PEX26: variants seen among roughly 807,000 people sequenced by gnomAD.
PEX26 encodes peroxisomal biogenesis factor 26, also known as peroxisome assembly protein 26.
Under a neutral mutation model 31.4 loss-of-function variants are expected in PEX26, and 18 were observed. The observed-to-expected ratio is 0.57, with a 90% confidence interval of 0.40 to 0.85. PEX26 has a LOEUF of 0.85. PEX26 is among the 40% of genes least tolerant of loss of function. The pLI, the probability that PEX26 is intolerant of heterozygous loss-of-function variation, is 0.00. For synonymous variants in PEX26, 176 were observed against 166.9 expected (o/e 1.05, Z -0.42); for missense variants, 377 against 383.9 (o/e 0.98, Z 0.15).
rs1927404865 is a variant in PEX26, at chr22:18,099,974, C to G, written c.*11899C>G. ...TAATGTCACATTCTGAGATTTTAGG[C>G]AAACATATCTTTGGGGGGCCAAAAT... is the stretch of plus-strand genomic sequence containing the variant. On this transcript the variant is annotated 3_prime_UTR_variant, in exon 5 of 5. Coordinates refer to ENST00000399744, the MANE Select transcript of PEX26 (RefSeq NM_001127649.3). The G allele has an allele frequency of 5.3e-5, 8 of 152,214 alleles. No homozygotes were observed. Among genetic ancestry groups the G allele is most frequent in the Admixed American group, 5.2e-4 (8 of 15,276 alleles). 9.4% of individuals were successfully genotyped at this position (152,214 alleles called of 1,614,324 possible).
rs1298537872 is a variant in PEX26 at position 18,092,424 on chromosome 22, C to G, written c.*4349C>G. On this transcript the variant is annotated 3_prime_UTR_variant, in exon 5 of 5. Coordinates refer to ENST00000399744, the MANE Select transcript of PEX26 (RefSeq NM_001127649.3). ...CAGCCTGTCGCGCCCCCGCCCGCCT[C>G]TGCATTCCTCCAGCGGTGGTGTACG... 6.6e-6 allele frequency: 1 copy of G among 152,310 alleles called. No homozygotes were observed. The highest frequency in any genetic ancestry group is 1.5e-5 in the Non-Finnish European group (1 of 68,086). The allele number at this position is 152,310 out of a possible 1,614,324, so 9.4% of individuals were successfully genotyped here.
rs2123681087 is a variant in PEX26 at position 18,102,960 on chromosome 22, C to T, written c.*14885C>T. The T allele has an allele frequency of 6.6e-6, 1 of 152,038 alleles. No homozygotes were observed. Among genetic ancestry groups the T allele is most frequent in the South Asian group, 2.1e-4 (1 of 4,796 alleles). 9.4% of individuals were successfully genotyped at this position (152,038 alleles called of 1,614,324 possible). Reference sequence around the variant, plus strand: ...ATTAGCTGGGCATGGTGGCGTGTGCCTGTAATCCCAGATACTCAGGAGGCT... The same window carrying T: ...ATTAGCTGGGCATGGTGGCGTGTGCTTGTAATCCCAGATACTCAGGAGGCT... On this transcript the variant is annotated 3_prime_UTR_variant, in exon 5 of 5. Coordinates refer to ENST00000399744, the MANE Select transcript of PEX26 (RefSeq NM_001127649.3).
Position 18,078,054 on chromosome 22 carries a change from C to G in PEX26, c.-323C>G, listed in dbSNP as rs1161279617. 1 of 528,962 alleles carries G rather than the reference C, an allele frequency of 1.9e-6. No individual in the cohort carries two copies. Among genetic ancestry groups the G allele is most frequent in the Admixed American group, 2.2e-5 (1 of 44,548 alleles). The allele number at this position is 528,962 out of a possible 1,614,324, so 32.8% of individuals were successfully genotyped here. Reference sequence around the variant, plus strand: ...CCCGCTGCCGGGAGGCGAGGTGAGTCTTTGATCGTAACCAGGAGCCCGGAG... The same window carrying G: ...CCCGCTGCCGGGAGGCGAGGTGAGTGTTTGATCGTAACCAGGAGCCCGGAG... On this transcript the variant is annotated 5_prime_UTR_variant, in exon 1 of 5. Transcript: ENST00000399744.
At position 18,083,422 on chromosome 22, in the gene PEX26, T is replaced by A; in HGVS notation, c.372-15T>A. On this transcript the variant is annotated splice_polypyrimidine_tract_variant and intron_variant, in intron 2 of 4. Coordinates refer to ENST00000399744, the MANE Select transcript of PEX26 (RefSeq NM_001127649.3). ...ACTCTTCTTTTGTTGGGATTGGGTTTTTTGGGGACTGCAGCATTCTTTTAT... is the reference window on the plus strand; with the variant it reads ...ACTCTTCTTTTGTTGGGATTGGGTTATTTGGGGACTGCAGCATTCTTTTAT... 1 of 1,613,168 alleles carries A rather than the reference T, an allele frequency of 6.2e-7. No homozygotes were observed.
intron 1 of PEX26, chr22:18,079,359 A>T (rs1353563171): frequency 1.0e-5 from 4 of 386,340 alleles, no homozygotes; most frequent in Non-Finnish European, 1.4e-5. Flanking sequence ...TGATCTGGAG[A>T]GCCCTGGCTG....
chr22:18,081,269 C>CACACACACAT (rs1008255968), intron 2 of PEX26, among the ~76,000 whole-genome samples: 1 of 142,006 alleles, frequency 7.0e-6, no homozygotes, highest in Admixed American at 7.0e-5. Flanking sequence ...CACACACACA[C>CACACACACAT]ACACACACAC....
Position 18,078,508 on chromosome 22 carries a change from C to T in PEX26, c.132C>T (p.Leu44=), listed in dbSNP as rs1926398903. Residue 44 remains leucine (L), a synonymous_variant, in exon 1 of 5, where the codon CTC becomes CTT. Coordinates refer to ENST00000399744, the MANE Select transcript of PEX26 (RefSeq NM_001127649.3). The stretch of plus-strand genomic sequence containing the variant: ...ACCTTCTGGAGGAGGCGGCCGACCT[C>T]CTGGTGGTGCACCTGGACTTCCGGG... The part of the protein sequence containing the change: ...AVDLLEEAAD[L]LVVHLDFRAA... The T allele has an allele frequency of 6.4e-7, 1 of 1,571,386 alleles. No homozygotes were observed. The highest frequency in any genetic ancestry group is 1.8e-5 in the Admixed American group (1 of 54,080).
rs1312669850 is a variant in PEX26 at position 18,101,152 on chromosome 22, T to C, written c.*13077T>C. 6.6e-6 allele frequency: 1 copy of C among 152,204 alleles called. No individual in the cohort carries two copies. Among genetic ancestry groups the C allele is most frequent in the Non-Finnish European group, 1.5e-5 (1 of 68,036 alleles). The allele number at this position is 152,204 out of a possible 1,614,324, so 9.4% of individuals were successfully genotyped here. On this transcript the variant is annotated 3_prime_UTR_variant, in exon 5 of 5. Transcript: ENST00000399744. ...GCTTAAAAGAGACTTCTAGAAACAG[T>C]GGGACTGTATCAGGATCAACAGAAG...
Position 18,098,776 on chromosome 22 carries a change from A to ATG in PEX26, c.*10702_*10703insGT, listed in dbSNP as rs1927370541. On this transcript the variant is annotated 3_prime_UTR_variant, in exon 5 of 5. Coordinates refer to ENST00000399744, the MANE Select transcript of PEX26 (RefSeq NM_001127649.3). The stretch of plus-strand genomic sequence containing the variant: ...TGTGTGCGTGTGTAGACATATATAT[A>ATG]TAATATATATACACATATGCAATGG... 2 of 151,222 alleles carry ATG rather than the reference A, an allele frequency of 1.3e-5. No individual in the cohort carries two copies. Among genetic ancestry groups the ATG allele is most frequent in the South Asian group, 2.1e-4 (1 of 4,796 alleles). 9.4% of individuals were successfully genotyped at this position (151,222 alleles called of 1,614,324 possible). A position where few individuals can be genotyped will look rare whatever the true frequency, so the allele number is the denominator to read the frequency against.
Position 18,090,614 on chromosome 22 carries a change from T to C in PEX26, c.*2539T>C, listed in dbSNP as rs969999374. On this transcript the variant is annotated 3_prime_UTR_variant, in exon 5 of 5. Transcript: ENST00000399744. ...CTGCCCCTTCGAAGCTGGGGAGTGC[T>C]TGTTGCAGATGCATCCAAGAGGGGT... is the stretch of plus-strand genomic sequence containing the variant. The C allele has an allele frequency of 5.2e-5, 8 of 152,382 alleles. No homozygotes were observed. Among genetic ancestry groups the C allele is most frequent in the Non-Finnish European group, 1.0e-4 (7 of 68,156 alleles). The allele number at this position is 152,382 out of a possible 1,614,324, so 9.4% of individuals were successfully genotyped here. A position where few individuals can be genotyped will look rare whatever the true frequency, so the allele number is the denominator to read the frequency against.
At position 18,094,218 on chromosome 22, in the gene PEX26, CCTTT is replaced by C. The variant is rs1927220065; in HGVS notation, c.*6144_*6147del. On this transcript the variant is annotated 3_prime_UTR_variant, in exon 5 of 5. Transcript: ENST00000399744. ...AGAAGAGTGTCATTTCAGAAAAAAG[CCTTT>C]TTTTTTTGAGATGGAGTCTCGCTCT... is the stretch of plus-strand genomic sequence containing the variant. 1 of 7,208 alleles carries C rather than the reference CCTTT, an allele frequency of 1.4e-4. No individual in the cohort carries two copies. Among genetic ancestry groups the C allele is most frequent in the Non-Finnish European group, 2.4e-4 (1 of 4,188 alleles). The allele number at this position is 7,208 out of a possible 1,614,324, so 0.4% of individuals were successfully genotyped here. A position where few individuals can be genotyped will look rare whatever the true frequency, so the allele number is the denominator to read the frequency against.
At chr22:18,087,843 C>G (rs920093160) in intron 4 of PEX26, 129 bp from the exon 5 acceptor site, 1 of 767,652 alleles carries the variant, frequency 1.3e-6, no homozygotes, top group East Asian at 2.4e-5. Flanking sequence ...AGAGCGAGAC[C>G]CTGTCTCTAA....
At position 18,103,714 on chromosome 22, in the gene PEX26, AG is replaced by A. The variant is rs2123681912; in HGVS notation, c.*15640del. The A allele has an allele frequency of 6.6e-6, 1 of 152,502 alleles. No homozygotes were observed. The highest frequency in any genetic ancestry group is 2.1e-4 in the South Asian group (1 of 4,830). The allele number at this position is 152,502 out of a possible 1,614,324, so 9.4% of individuals were successfully genotyped here. ...GCTCAGCCCCGTCTCTGTCCCATAC[AG>A]AGCCACAGCCACAGTGAGAGCCTGG... On this transcript the variant is annotated 3_prime_UTR_variant, in exon 5 of 5. Coordinates refer to ENST00000399744, the MANE Select transcript of PEX26 (RefSeq NM_001127649.3).
chr22:18,081,253 C>T (rs896920842), intron 2 of PEX26, among the ~76,000 whole-genome samples: 10 of 148,846 alleles, frequency 6.7e-5, no homozygotes, highest in African/African-American at 2.6e-4. Context: ...TATACACACA[C>T]ACACACACAC....
Position 18,093,371 on chromosome 22 carries a change from C to G in PEX26, c.*5296C>G, listed in dbSNP as rs1335496006. On this transcript the variant is annotated 3_prime_UTR_variant, in exon 5 of 5. Transcript: ENST00000399744. ...GGTCAGGAGATCGAGACCATCCTGG[C>G]TAACACGGTGAAATCCCATCTCTAC... 2 of 152,008 alleles carry G rather than the reference C, an allele frequency of 1.3e-5. No homozygotes were observed. The highest frequency in any genetic ancestry group is 4.8e-5 in the African/African-American group (2 of 41,346). 9.4% of individuals were successfully genotyped at this position (152,008 alleles called of 1,614,324 possible). A position where few individuals can be genotyped will look rare whatever the true frequency, so the allele number is the denominator to read the frequency against.
chr22:18,084,161 T>C (rs1926735658), intron 3 of PEX26, among the ~76,000 whole-genome samples: 1 of 152,160 alleles, frequency 6.6e-6, no homozygotes, highest in Non-Finnish European at 1.5e-5. Flanking sequence ...CGCTGAATCT[T>C]TTCCGCCCTT....
rs764171687 is a variant in PEX26, at chr22:18,085,269, G to C, written c.814+11G>C. On this transcript the variant is annotated intron_variant, in intron 4 of 4. Transcript: ENST00000399744. ...TGAGATTTGATCCAGGTAAGAGGTG[G>C]AGACTCTCCCCTGTCCTTCCTGGGA... The C allele has an allele frequency of 1.9e-6, 3 of 1,613,892 alleles. No individual in the cohort carries two copies. The highest frequency in any genetic ancestry group is 1.7e-5 in the Admixed American group (1 of 60,014).
chr22:18,079,221 A>G (rs1329903453), intron 1 of PEX26: 6 of 985,272 alleles, frequency 6.1e-6, no homozygotes, highest in Non-Finnish European at 7.2e-6. Context: ...TTGGGCTTGC[A>G]TTGCTCTTTC....
rs1280264320 is a variant in PEX26 at position 18,101,769 on chromosome 22, T to G, written c.*13694T>G. On this transcript the variant is annotated 3_prime_UTR_variant, in exon 5 of 5. Coordinates refer to ENST00000399744, the MANE Select transcript of PEX26 (RefSeq NM_001127649.3). ...CCTGCATGTGGGCAAGTCAGCTCTC[T>G]GATGGATGGTGCAATTTCCTTGGTC... 2 of 217,508 alleles carry G rather than the reference T, an allele frequency of 9.2e-6. No individual in the cohort carries two copies. Among genetic ancestry groups the G allele is most frequent in the East Asian group, 1.3e-4 (1 of 7,804 alleles). 13.5% of individuals were successfully genotyped at this position (217,508 alleles called of 1,614,324 possible).
Sources: allele counts gnomAD v4.1 joint callset (sites outside exome capture counted in the v4.1 genomes callset), GRCh38; gene constraint gnomAD v4.1.1; transcripts MANE v1.5; gene names NCBI Gene and HGNC (gene_info 2026-07-23, HGNC 2026-07-21).